PACS1: variants seen among roughly 807,000 people sequenced by gnomAD.
The protein encoded by PACS1 is phosphofurin acidic cluster sorting protein 1, also known as PACS-1.
A neutral mutation model predicts 115.0 loss-of-function variants in PACS1; 24 were observed. The ratio of observed to expected loss-of-function variants is 0.21; its 90% CI spans 0.15 to 0.29. The LOEUF (loss-of-function observed/expected upper bound fraction) is 0.29. PACS1 is among the 10% of genes least tolerant of loss of function. The pLI, the probability that PACS1 is intolerant of heterozygous loss-of-function variation, is 1.00. For missense variants in PACS1, 838 were observed against 1,251.2 expected (o/e 0.67, Z 4.98); for synonymous variants, 453 against 504.5 (o/e 0.90, Z 1.37).
chr11:66,180,205 C>G (rs769816356), intron 1 of PACS1, among the ~76,000 whole-genome samples: 1 of 152,068 alleles, frequency 6.6e-6, no homozygotes, highest in Non-Finnish European at 1.5e-5. Context: ...GCACTCCAGC[C>G]TGGGCAACAG....
chr11:66,176,792 C>G (rs1265382843), intron 1 of PACS1, among the ~76,000 whole-genome samples: 3 of 152,164 alleles, frequency 2.0e-5, no homozygotes, highest in African/African-American at 7.2e-5. Context: ...GATGTTCTCT[C>G]TGACTGGAAT....
At chr11:66,126,094 G>A (rs1363152116) in intron 1 of PACS1, among the ~76,000 whole-genome samples, 1 of 151,032 alleles carries the variant, frequency 6.6e-6, no homozygotes, top group Non-Finnish European at 1.5e-5. Flanking sequence ...TTAGGTATTT[G>A]CTTCAGTAGT....
At chr11:66,203,933 C>T (rs918242682) in intron 2 of PACS1, among the ~76,000 whole-genome samples, 1 of 152,072 alleles carries the variant, frequency 6.6e-6, no homozygotes, top group African/African-American at 2.4e-5. Context: ...CTGCTTTGGC[C>T]ACTAAAATAA....
intron 1 of PACS1, among the ~76,000 whole-genome samples, chr11:66,129,427 A>G (rs956552607): frequency 6.7e-6 from 1 of 148,584 alleles, no homozygotes; most frequent in Non-Finnish European, 1.5e-5. Flanking sequence ...GCAAGACTCC[A>G]TATCAAAAAA....
intron 1 of PACS1, among the ~76,000 whole-genome samples, chr11:66,108,216 T>C (rs980881220): frequency 1.3e-5 from 2 of 152,174 alleles, no homozygotes; most frequent in Non-Finnish European, 2.9e-5. Context: ...TGGTGAGGCC[T>C]TTCTTCTTGG....
intron 1 of PACS1, among the ~76,000 whole-genome samples, chr11:66,100,374 A>G (rs978656758): frequency 1.3e-5 from 2 of 151,992 alleles, no homozygotes; most frequent in African/African-American, 4.8e-5. Context: ...TCTTTCACCT[A>G]CCCTGACCTT....
intron 1 of PACS1, among the ~76,000 whole-genome samples, chr11:66,113,277 C>G (rs757998195): frequency 6.6e-6 from 1 of 152,178 alleles, no homozygotes; most frequent in Non-Finnish European, 1.5e-5. Context: ...GGGCAGATGA[C>G]TTTTCTTTTA....
intron 1 of PACS1, among the ~76,000 whole-genome samples, chr11:66,095,382 A>G (rs1857757172): frequency 6.6e-6 from 1 of 152,120 alleles, no homozygotes; most frequent in Non-Finnish European, 1.5e-5. Flanking sequence ...CAAAAATCAC[A>G]AGCATTCTTA....
intron 21 of PACS1, among the ~76,000 whole-genome samples, chr11:66,240,719 G>A (rs1855794452): frequency 6.7e-6 from 1 of 149,560 alleles, no homozygotes; most frequent in Admixed American, 6.6e-5. Context: ...TTTCTGTCCA[G>A]CATGGGTTTG....
At chr11:66,221,324 T>G in intron 10 of PACS1, 77 bp downstream of exon 10, 15 of 1,221,396 alleles carry the variant, frequency 1.2e-5, no homozygotes, top group Non-Finnish European at 1.7e-5. Context: ...TCTGCATCTC[T>G]GATCAGGGCT....
intron 1 of PACS1, among the ~76,000 whole-genome samples, chr11:66,085,664 TG>T (rs1857554537): frequency 6.6e-6 from 1 of 152,246 alleles, no homozygotes; most frequent in Non-Finnish European, 1.5e-5. Context: ...AACAATAGAC[TG>T]ATGGTTTGTA....
chr11:66,199,934 G>T (rs1025403438), intron 2 of PACS1, among the ~76,000 whole-genome samples: 3 of 151,880 alleles, frequency 2.0e-5, no homozygotes, highest in Admixed American at 2.0e-4. Flanking sequence ...CAGGAGAATC[G>T]CTGGAATCTG....
At chr11:66,073,737 C>G (rs896095991) in intron 1 of PACS1, among the ~76,000 whole-genome samples, 1 of 151,920 alleles carries the variant, frequency 6.6e-6, no homozygotes, top group Non-Finnish European at 1.5e-5. Context: ...TTCTGTTGAT[C>G]ACATTTTTCA....
intron 1 of PACS1, among the ~76,000 whole-genome samples, chr11:66,121,529 CT>C (rs1374041346): frequency 6.6e-6 from 1 of 152,142 alleles, no homozygotes; most frequent in Non-Finnish European, 1.5e-5. Context: ...CCAAGACAGG[CT>C]AAAAACCAGG....
chr11:66,220,461 G>A (rs1416220016), intron 8 of PACS1, 170 bp from the exon 9 acceptor site: 4 of 636,068 alleles, frequency 6.3e-6, no homozygotes, highest in African/African-American at 1.8e-5. Context: ...CCATGTCCCC[G>A]CCCTCAGGCT....
intron 1 of PACS1, among the ~76,000 whole-genome samples, chr11:66,104,556 G>C (rs1440699011): frequency 6.6e-6 from 1 of 152,172 alleles, no homozygotes; most frequent in Non-Finnish European, 1.5e-5. Context: ...TCTATGAACT[G>C]TAAAACCCCA....
intron 19 of PACS1, 160 bp from the exon 20 acceptor site, chr11:66,238,644 G>T (rs1487251091): frequency 4.4e-6 from 3 of 688,798 alleles, no homozygotes; most frequent in Non-Finnish European, 7.6e-6. Context: ...GGGATTACAG[G>T]CATAAGCCAC....
At position 66,233,424 on chromosome 11, in the gene PACS1, T is replaced by C. The variant is rs1397880442; in HGVS notation, c.1838+358T>C. On this transcript the variant is annotated intron_variant, in intron 15 of 23. Transcript: ENST00000320580. This position sits in a 1 kb window ranked among gnomAD's most constrained non-coding sequence, Gnocchi z 4.5. ...ATGCTGCTAGACACTCAGGAGTCAG[T>C]GCTTCCCCTACCCTCAGGGCCTTCT... is the stretch of plus-strand genomic sequence containing the variant. 6.6e-6 allele frequency among the ~76,000 whole-genome samples: 1 copy of C among 152,216 alleles called. No individual in the cohort carries two copies. Among genetic ancestry groups the C allele is most frequent in the African/African-American group, 2.4e-5 (1 of 41,460 alleles).
intron 4 of PACS1, among the ~76,000 whole-genome samples, chr11:66,212,267 G>A (rs1245993773): frequency 6.6e-6 from 1 of 151,504 alleles, no homozygotes; most frequent in East Asian, 1.9e-4. Context: ...GAGTAGCTGG[G>A]ACTACAGGCG....
Sources: allele counts gnomAD v4.1 joint callset (sites outside exome capture counted in the v4.1 genomes callset), GRCh38; gene constraint gnomAD v4.1.1; non-coding constraint Gnocchi (gnomAD v3.1); transcripts MANE v1.5; gene names NCBI Gene and HGNC (gene_info 2026-07-23, HGNC 2026-07-21).